Variants in SLC9A5 observed in about 807,000 individuals in gnomAD.
SLC9A5 encodes the protein solute carrier family 9 member A5, also known as sodium/hydrogen exchanger 5.
Under a neutral mutation model 91.7 loss-of-function variants are expected in SLC9A5, and 52 were observed. The observed-to-expected ratio is 0.57, with a 90% CI of 0.45 to 0.71. The LOEUF is 0.71. Among genes scored for constraint, SLC9A5 ranks in the 30% least tolerant of loss-of-function variants. SLC9A5 has a pLI of 0.00. For synonymous variants in SLC9A5, 419 were observed against 474.5 expected, an observed-to-expected ratio of 0.88 and a Z score of 1.52; for missense variants, 871 against 1,158.9, an observed-to-expected ratio of 0.75 and a Z score of 3.61.
rs539394388 is a variant in SLC9A5 at position 67,256,075 on chromosome 16, A to T, written c.911+145A>T. 132 of 875,298 alleles carry T rather than the reference A, an allele frequency of 1.5e-4. 1 individual carries two copies. The East Asian group carries it at 2.9e-3, about 20-fold the overall frequency. 54.2% of individuals were successfully genotyped at this position (875,298 alleles called of 1,614,324 possible). A position where few individuals can be genotyped will look rare whatever the true frequency, so the allele number is the denominator to read the frequency against. On this transcript the variant is annotated intron_variant, in intron 5 of 15. Coordinates refer to ENST00000299798, the MANE Select transcript of SLC9A5 (RefSeq NM_004594.3). The surrounding 1 kb of genome is among the most constrained non-coding windows in gnomAD (Gnocchi z 4.1). ...GTGGGAGCCTCAGACTGTCCTGGGGAGTCAGTAAACCTCAGCAATATTTCA... is the reference window on the plus strand; with the variant it reads ...GTGGGAGCCTCAGACTGTCCTGGGGTGTCAGTAAACCTCAGCAATATTTCA...
At chr16:67,259,989 G>A in intron 12 of SLC9A5, 43 bp downstream of exon 12, 4 of 1,601,514 alleles carry the variant, frequency 2.5e-6, no homozygotes, top group Non-Finnish European at 3.4e-6. Flanking sequence ...GGTGGAGGTG[G>A]TCTGAGGAGA....
chr16:67,249,091 C>A lies in SLC9A5; in HGVS notation c.77C>A (p.Ser26Tyr). Residue 26 changes from serine to tyrosine, a missense_variant, in exon 1 of 16, where the codon TCC (serine) becomes TAC (tyrosine). Coordinates refer to ENST00000299798, the MANE Select transcript of SLC9A5 (RefSeq NM_004594.3). The part of the protein sequence containing the change: ...AAEEPTQKPE[S>Y]PGEPPPGLEL... ...GAAGAGCCCACCCAGAAGCCAGAGT[C>A]CCCGGGCGAGCCTCCCCCAGGCTTA... 2 of 1,536,388 alleles carry A rather than the reference C, an allele frequency of 1.3e-6. No individual in the cohort carries two copies. Among genetic ancestry groups the A allele is most frequent in the Non-Finnish European group, 8.7e-7 (1 of 1,148,054 alleles).
At position 67,255,482 on chromosome 16, in the gene SLC9A5, C is replaced by T. The variant is rs1206392475; in HGVS notation, c.733+11C>T. 1 of 1,613,602 alleles carries T rather than the reference C, an allele frequency of 6.2e-7. No individual in the cohort carries two copies. The highest frequency in any genetic ancestry group is 1.1e-5 in the South Asian group (1 of 91,074). ...ACCTGAAGGGAGTCGGTCAGTATTT[C>T]CCCGCTCCCAGCTGGCATTGGAGGT... On this transcript the variant is annotated intron_variant, in intron 4 of 15. Transcript: ENST00000299798. This position sits in a 1 kb window ranked among gnomAD's most constrained non-coding sequence, Gnocchi z 4.9.
intron 15 of SLC9A5, among the ~76,000 whole-genome samples, chr16:67,267,172 T>C (rs2035749654): frequency 6.8e-6 from 1 of 146,702 alleles, no homozygotes; most frequent in Non-Finnish European, 1.5e-5. Context: ...TGGCAACCTC[T>C]GCCTCTCGGG....
chr16:67,254,597 A>G (rs2035242531), intron 2 of SLC9A5, among the ~76,000 whole-genome samples: 1 of 152,208 alleles, frequency 6.6e-6, no homozygotes, highest in South Asian at 2.1e-4. Flanking sequence ...GGGTTTCACC[A>G]TGTTGGCCAG....
Position 67,258,197 on chromosome 16 carries a change from G to C in SLC9A5, c.1497-121G>C. ...GGGACTAGCCTTGAGATTCTCTCTGGCTGAGGCCCATATCTAAAAAGCCAG... is the reference window on the plus strand; with the variant it reads ...GGGACTAGCCTTGAGATTCTCTCTGCCTGAGGCCCATATCTAAAAAGCCAG... On this transcript the variant is annotated intron_variant, in intron 9 of 15. Transcript: ENST00000299798. The surrounding 1 kb of genome is among the most constrained non-coding windows in gnomAD (Gnocchi z 4.5). 2.1e-6 allele frequency: 2 copies of C among 930,796 alleles called. No homozygotes were observed. Among genetic ancestry groups the C allele is most frequent in the Non-Finnish European group, 3.3e-6 (2 of 603,010 alleles). The allele number at this position is 930,796 out of a possible 1,614,324, so 57.7% of individuals were successfully genotyped here.
At position 67,259,696 on chromosome 16, in the gene SLC9A5, C is replaced by T. The variant is rs750092193; in HGVS notation, c.1715+35C>T. The T allele has an allele frequency of 2.5e-6, 4 of 1,601,248 alleles. No homozygotes were observed. In the Admixed American group the frequency reaches 6.7e-5, roughly 27 times the overall value. On this transcript the variant is annotated intron_variant, in intron 11 of 15. Transcript: ENST00000299798. ...TGAGCCCCTTCCCCTTCCTCATACT[C>T]CTCTCCATTGTGCCCTCTCTCTGAG...
chr16:67,258,429 C>T lies in SLC9A5; in HGVS notation c.1608C>T (p.Ala536=). Residue 536 remains alanine, a synonymous_variant, in exon 10 of 16, where the codon GCC becomes GCT. Coordinates refer to ENST00000299798, the MANE Select transcript of SLC9A5 (RefSeq NM_004594.3). The surrounding 1 kb of genome is among the most constrained non-coding windows in gnomAD (Gnocchi z 4.5). The part of the protein sequence containing the change: ...DVYYRLNIRD[A]ISFVDQGGHV... ...ACTACAGGCTTAACATCCGGGATGC[C>T]ATCAGCTTTGTGGACCAGGTGGGCC... is the stretch of plus-strand genomic sequence containing the variant. 1.2e-6 allele frequency: 2 copies of T among 1,614,214 alleles called. No individual in the cohort carries two copies. The highest frequency in any genetic ancestry group is 2.2e-5 in the South Asian group (2 of 91,086).
At chr16:67,250,349 G>A (rs1359659475) in intron 1 of SLC9A5, among the ~76,000 whole-genome samples, 5 of 152,168 alleles carry the variant, frequency 3.3e-5, no homozygotes, top group Admixed American at 3.3e-4. Context: ...TAGGGTCCCC[G>A]AAGGAGAGAA....
rs775235682 is a variant in SLC9A5, at chr16:67,256,680, C to T, written c.1123C>T (p.Arg375Ter). 9 of 1,612,210 alleles carry T rather than the reference C, an allele frequency of 5.6e-6. No homozygotes were observed. The highest frequency in any genetic ancestry group is 1.1e-5 in the South Asian group (1 of 91,040). Reference sequence around the variant, plus strand: ...CACCCTCATCTTCATCCTGTTCTTCCGAGCCCTCGGTATTGCTGGCACCCT... The same window carrying T: ...CACCCTCATCTTCATCCTGTTCTTCTGAGCCCTCGGTATTGCTGGCACCCT... ...LGTLIFILFF[R>*]ALGVVLQTWV... Residue 375 changes from arginine to a stop codon, truncating the protein, a stop_gained, in exon 6 of 16, where the codon CGA (arginine) becomes TGA (stop). Transcript: ENST00000299798. LOFTEE classifies it high-confidence loss of function. This position sits in a 1 kb window ranked among gnomAD's most constrained non-coding sequence, Gnocchi z 4.1.
At position 67,264,527 on chromosome 16, in the gene SLC9A5, G is replaced by C. The variant is rs1228005518; in HGVS notation, c.2013+5G>C. 6.2e-7 allele frequency: 1 copy of C among 1,614,118 alleles called. No homozygotes were observed. The highest frequency in any genetic ancestry group is 2.2e-5 in the East Asian group (1 of 44,882). On this transcript the variant is annotated splice_donor_5th_base_variant and intron_variant, in intron 13 of 15. Transcript: ENST00000299798. ...CGCAAGACTGGCCGCAGGAAGGCAT[G>C]TCTTCCCTCAGGGACTCCTCTTGGG...
Position 67,258,304 on chromosome 16 carries a change from G to T in SLC9A5, c.1497-14G>T. ...GGGAATGGGACTCAGGGCCGGGCCT[G>T]GCATCCTCTGTAGGTGGGAGCAGTT... On this transcript the variant is annotated splice_polypyrimidine_tract_variant and intron_variant, in intron 9 of 15. Transcript: ENST00000299798. This position sits in a 1 kb window ranked among gnomAD's most constrained non-coding sequence, Gnocchi z 4.5. The T allele has an allele frequency of 6.2e-7, 1 of 1,613,320 alleles. No individual in the cohort carries two copies. Among genetic ancestry groups the T allele is most frequent in the Non-Finnish European group, 8.5e-7 (1 of 1,179,944 alleles).
At chr16:67,259,297 G>A in intron 10 of SLC9A5, among the ~76,000 whole-genome samples, 1 of 141,190 alleles carries the variant, frequency 7.1e-6, no homozygotes, top group African/African-American at 2.7e-5. Context: ...CCGGGAACCA[G>A]AGGTTGCAAT....
At chr16:67,253,453 G>C (rs1292854916) in intron 2 of SLC9A5, among the ~76,000 whole-genome samples, 1 of 152,098 alleles carries the variant, frequency 6.6e-6, no homozygotes, top group Admixed American at 6.6e-5. Flanking sequence ...TACACATGAG[G>C]AAATAGAACC....
chr16:67,257,517 C>A lies in SLC9A5; in HGVS notation c.1426-14C>A. 6.2e-7 allele frequency: 1 copy of A among 1,614,094 alleles called. No individual in the cohort carries two copies. Among genetic ancestry groups the A allele is most frequent in the Non-Finnish European group, 8.5e-7 (1 of 1,179,976 alleles). The stretch of plus-strand genomic sequence containing the variant: ...AGAGTCCTGATCCAGTCCCCCTACC[C>A]ACCCCCCTTCTAGACTTTTGACCAC... On this transcript the variant is annotated splice_polypyrimidine_tract_variant and intron_variant, in intron 8 of 15. Coordinates refer to ENST00000299798, the MANE Select transcript of SLC9A5 (RefSeq NM_004594.3). The surrounding 1 kb of genome is among the most constrained non-coding windows in gnomAD (Gnocchi z 5.1).
chr16:67,255,860 C>T lies in SLC9A5; in HGVS notation c.841C>T (p.Leu281=). ...FTKRVRIIEP[L]LVFLLAYAAY... is the part of the protein sequence containing the mutation. Reference sequence around the variant, plus strand: ...CAAGCGGGTCCGCATCATCGAGCCGCTGCTGGTCTTCCTCCTCGCCTACGC... The same window carrying T: ...CAAGCGGGTCCGCATCATCGAGCCGTTGCTGGTCTTCCTCCTCGCCTACGC... Residue 281 remains leucine (L), a synonymous_variant, in exon 5 of 16, where the codon CTG becomes TTG. Coordinates refer to ENST00000299798, the MANE Select transcript of SLC9A5 (RefSeq NM_004594.3). The surrounding 1 kb of genome is among the most constrained non-coding windows in gnomAD (Gnocchi z 4.9). 2 of 1,613,550 alleles carry T rather than the reference C, an allele frequency of 1.2e-6. No homozygotes were observed. The highest frequency in any genetic ancestry group is 2.2e-5 in the South Asian group (2 of 90,896).
At chr16:67,254,743 G>A (rs572013125) in intron 2 of SLC9A5, among the ~76,000 whole-genome samples, 1 of 152,300 alleles carries the variant, frequency 6.6e-6, no homozygotes, top group East Asian at 1.9e-4. Context: ...AAACAATCTT[G>A]TGAGGCAGGC....
rs188930159 is a variant in SLC9A5 at position 67,269,843 on chromosome 16, G to C, written c.2219-895G>C. 2.6e-5 allele frequency among the ~76,000 whole-genome samples: 4 copies of C among 152,210 alleles called. No individual in the cohort carries two copies. In the South Asian group the frequency reaches 8.3e-4, roughly 32 times the overall value. On this transcript the variant is annotated intron_variant, in intron 15 of 15. Transcript: ENST00000299798. Reference sequence around the variant, plus strand: ...CTCAGATTTCCTGTAATTCAGCCCCGCCCCTGCAGTTCTGGGATTCTTAGC... The same window carrying C: ...CTCAGATTTCCTGTAATTCAGCCCCCCCCCTGCAGTTCTGGGATTCTTAGC...
rs1196524588 is a variant in SLC9A5, at chr16:67,271,378, G to A, written c.*168G>A. ...GGGTCACCTAAGCTGGTCCTCACAG[G>A]GGCCTTTCTCACCACCTCCCTGCTC... On this transcript the variant is annotated 3_prime_UTR_variant, in exon 16 of 16. Coordinates refer to ENST00000299798, the MANE Select transcript of SLC9A5 (RefSeq NM_004594.3). 1.4e-5 allele frequency: 9 copies of A among 632,166 alleles called. No homozygotes were observed. The highest frequency in any genetic ancestry group is 2.2e-5 in the Non-Finnish European group (8 of 361,406). 39.2% of individuals were successfully genotyped at this position (632,166 alleles called of 1,614,324 possible).
Sources: gnomAD v4.1 joint callset for allele counts (sites outside exome capture counted in the v4.1 genomes callset) on GRCh38, gnomAD v4.1.1 for gene constraint, Gnocchi (gnomAD v3.1) non-coding constraint, MANE v1.5 for transcripts, NCBI Gene and HGNC (gene_info 2026-07-23, HGNC 2026-07-21) for gene names.